MKLN1: variants seen among roughly 807,000 people sequenced by gnomAD.
MKLN1 encodes the protein muskelin.
MKLN1 carries 18 observed loss-of-function variants against 99.0 expected under a neutral mutation model. The ratio of observed to expected loss-of-function variants is 0.18; its 90% CI spans 0.13 to 0.27. The LOEUF is 0.27. MKLN1 is among the 10% of genes least tolerant of loss of function. The pLI, the probability that MKLN1 is intolerant of heterozygous loss-of-function variation, is 1.00. For missense variants in MKLN1, 621 were observed against 875.9 expected, an observed-to-expected ratio of 0.71 and a Z score of 3.67; for synonymous variants, 288 against 293.2, an observed-to-expected ratio of 0.98 and a Z score of 0.18.
chr7:131,114,744 G>C (rs1795248556), intron 1 of MKLN1, among the ~76,000 whole-genome samples: 1 of 152,030 alleles, frequency 6.6e-6, no homozygotes, highest in Non-Finnish European at 1.5e-5. Context: ...TTAGGAGTTC[G>C]AGACCAGCCT....
At chr7:131,115,488 T>C (rs980474581) in intron 1 of MKLN1, among the ~76,000 whole-genome samples, 3 of 152,228 alleles carry the variant, frequency 2.0e-5, no homozygotes, top group African/African-American at 7.2e-5. Context: ...CTTGTCCTCA[T>C]TCACCACAGC....
At chr7:131,156,780 G>T (rs930275115) in intron 2 of MKLN1, among the ~76,000 whole-genome samples, 1 of 152,160 alleles carries the variant, frequency 6.6e-6, no homozygotes, top group African/African-American at 2.4e-5. Flanking sequence ...CCCATTGTAA[G>T]TTGAGGAGCA....
chr7:131,139,836 T>A (rs1795705120), intron 1 of MKLN1, among the ~76,000 whole-genome samples: 1 of 152,174 alleles, frequency 6.6e-6, no homozygotes, highest in South Asian at 2.1e-4. Flanking sequence ...TGGTTTGCTC[T>A]GCAGTTTTGG....
intron 14 of MKLN1, among the ~76,000 whole-genome samples, chr7:131,466,012 G>T (rs1293280036): frequency 6.6e-6 from 1 of 151,990 alleles, no homozygotes; most frequent in African/African-American, 2.4e-5. Context: ...TCCTATCATT[G>T]TTTTTGTTTC....
intron 3 of MKLN1, among the ~76,000 whole-genome samples, chr7:131,282,140 G>A (rs1226411632): frequency 6.6e-6 from 1 of 151,994 alleles, no homozygotes; most frequent in Non-Finnish European, 1.5e-5. Flanking sequence ...ACCTGAGTTT[G>A]GGAGTTTGAG....
chr7:131,273,810 C>T (rs533556477), intron 3 of MKLN1, among the ~76,000 whole-genome samples: 13 of 151,760 alleles, frequency 8.6e-5, no homozygotes, highest in African/African-American at 3.1e-4. Context: ...GGCAACATAG[C>T]GAGATCCCAT....
At chr7:131,417,583 A>G (rs558744824) in intron 8 of MKLN1, among the ~76,000 whole-genome samples, 2 of 152,342 alleles carry the variant, frequency 1.3e-5, no homozygotes, top group South Asian at 4.1e-4. Flanking sequence ...CACCAGATTC[A>G]GGTGGTCCTT....
intron 1 of MKLN1, among the ~76,000 whole-genome samples, chr7:131,340,862 A>G (rs1219666022): frequency 1.3e-5 from 2 of 152,202 alleles, no homozygotes; most frequent in African/African-American, 4.8e-5. Context: ...AGTTTCAGCA[A>G]AATCTGAGAG....
intron 9 of MKLN1, among the ~76,000 whole-genome samples, chr7:131,430,040 A>G (rs1038871043): frequency 6.6e-6 from 1 of 152,192 alleles, no homozygotes; most frequent in African/African-American, 2.4e-5. Context: ...ATGTTAATTC[A>G]TTTATTATTT....
intron 2 of MKLN1, among the ~76,000 whole-genome samples, chr7:131,386,366 G>C (rs1376912294): frequency 6.6e-6 from 1 of 152,070 alleles, no homozygotes; most frequent in African/African-American, 2.4e-5. Context: ...ATTTTGAGTT[G>C]ATTTTTGTGT....
intron 1 of MKLN1, among the ~76,000 whole-genome samples, chr7:131,138,845 C>T (rs1162460054): frequency 6.6e-6 from 1 of 152,180 alleles, no homozygotes; most frequent in Non-Finnish European, 1.5e-5. Flanking sequence ...GACAGTTAAG[C>T]CTTTCAGTTC....
intron 1 of MKLN1, among the ~76,000 whole-genome samples, chr7:131,113,862 G>A (rs574283786): frequency 6.6e-6 from 1 of 152,166 alleles, no homozygotes; most frequent in Admixed American, 6.5e-5. Context: ...GGCAGCAGGA[G>A]AGAGAGAGCT....
Position 131,298,371 on chromosome 7 carries a change from A to G in MKLN1, c.-178-77053A>G, listed in dbSNP as rs1315352260. On this transcript the variant is annotated intron_variant, in intron 3 of 7. Transcript: ENST00000416992. The stretch of plus-strand genomic sequence containing the variant: ...TTCTTCCTCTTTACAAATGCATCAT[A>G]TTTGTGCCTGGCTGGTCCTCTTTAA... Among the ~76,000 whole-genome samples the G allele has an allele frequency of 2.0e-5, 3 of 152,206 alleles. No individual in the cohort carries two copies. In the East Asian group the frequency reaches 5.8e-4, roughly 29 times the overall value.
chr7:131,356,475 G>A (rs1799885387), intron 1 of MKLN1, among the ~76,000 whole-genome samples: 1 of 152,140 alleles, frequency 6.6e-6, no homozygotes, highest in South Asian at 2.1e-4. Context: ...AATCTTTGGG[G>A]TTAAATGGAC....
chr7:131,156,125 A>C (rs1007562093), intron 2 of MKLN1, among the ~76,000 whole-genome samples: 5 of 152,208 alleles, frequency 3.3e-5, no homozygotes, highest in Admixed American at 6.5e-5. Flanking sequence ...GGGATGCAAA[A>C]GTCATTGCGG....
At chr7:131,177,582 G>A (rs1436363488) in intron 2 of MKLN1, among the ~76,000 whole-genome samples, 3 of 151,506 alleles carry the variant, frequency 2.0e-5, no homozygotes, top group Non-Finnish European at 4.4e-5. Flanking sequence ...ATAAGCCTCT[G>A]ATGATATCAT....
At chr7:131,263,390 T>TG (rs1346549762) in intron 3 of MKLN1, among the ~76,000 whole-genome samples, 1 of 105,162 alleles carries the variant, frequency 9.5e-6, no homozygotes. Flanking sequence ...CTGGGTGTGG[T>TG]GGCATATGCC....
At chr7:131,279,934 C>A (rs966159470) in intron 3 of MKLN1, among the ~76,000 whole-genome samples, 1 of 152,132 alleles carries the variant, frequency 6.6e-6, no homozygotes, top group Non-Finnish European at 1.5e-5. Context: ...ACCCCTATAC[C>A]CATCAGCAGC....
chr7:131,197,757 C>T (rs1016925244), intron 2 of MKLN1, among the ~76,000 whole-genome samples: 1 of 151,706 alleles, frequency 6.6e-6, no homozygotes, highest in African/African-American at 2.4e-5. Context: ...AATAGTATAA[C>T]TAATAGTATA....
Sources: allele counts gnomAD v4.1 joint callset (sites outside exome capture counted in the v4.1 genomes callset), GRCh38; gene constraint gnomAD v4.1.1; transcripts MANE v1.5; gene names NCBI Gene and HGNC (gene_info 2026-07-23, HGNC 2026-07-21).